Variants in LRRC4 observed in about 807,000 individuals in gnomAD.
The protein encoded by LRRC4 is leucine rich repeat containing 4.
In LRRC4, 11 loss-of-function variants were observed where a neutral mutation model predicts 37.9. That is an observed-to-expected ratio of 0.29 (90% CI 0.18 to 0.48). LRRC4 has a LOEUF of 0.48. LRRC4 is among the 20% of genes least tolerant of loss of function. LRRC4 has a pLI of 0.99. For missense variants in LRRC4, 717 were observed against 842.1 expected, an observed-to-expected ratio of 0.85 and a Z score of 1.84; for synonymous variants, 404 against 346.7, an observed-to-expected ratio of 1.17 and a Z score of -1.84.
rs1417799013 is a variant in LRRC4, at chr7:128,029,794, G to A, written c.847C>T (p.His283Tyr). 1 of 1,613,954 alleles carries A rather than the reference G, an allele frequency of 6.2e-7. No individual in the cohort carries two copies. The highest frequency in any genetic ancestry group is 1.3e-5 in the African/African-American group (1 of 75,048). ...LAHNNLSSLP[H>Y]DLFTPLRYLV... is the part of the protein sequence containing the mutation. ...TACCTCAGCGGGGTAAAGAGGTCAT[G>A]GGGCAAAGAAGAGAGGTTATTGTGG... is the stretch of plus-strand genomic sequence containing the variant. The change falls in exon 2 of 2, where the codon CAT becomes TAT. Residue 283 changes from histidine to tyrosine, a missense_variant. Around this residue, in one of 5 missense-constraint regions of LRRC4, gnomAD observed 138 missense variants for 261.0 expected, o/e 0.53. Coordinates refer to ENST00000249363, the MANE Select transcript of LRRC4 (RefSeq NM_022143.5). This position sits in a 1 kb window ranked among gnomAD's most constrained non-coding sequence, Gnocchi z 4.2.
chr7:128,031,859 C>T (rs1411788764), upstream of LRRC4, among the ~76,000 whole-genome samples: 1 of 150,370 alleles, frequency 6.7e-6, no homozygotes, highest in Admixed American at 6.6e-5. Flanking sequence ...GGCTTCGGCT[C>T]CCGGCGCCCT....
In LRRC4 at chr7:128,028,580, A is replaced by C. The variant is rs796839952; in HGVS notation, c.*99T>G. 1 of 1,118,816 alleles carries C rather than the reference A, an allele frequency of 8.9e-7. No homozygotes were observed. 69.3% of individuals were successfully genotyped at this position (1,118,816 alleles called of 1,614,324 possible). On this transcript the variant is annotated 3_prime_UTR_variant, in exon 2 of 2. Coordinates refer to ENST00000249363, the MANE Select transcript of LRRC4 (RefSeq NM_022143.5). ...TTTAACCAGCCCATAGACTTAATATATAAGCATATACAAGAAAAAGTCTCT... is the reference window on the plus strand; with the variant it reads ...TTTAACCAGCCCATAGACTTAATATCTAAGCATATACAAGAAAAAGTCTCT...
chr7:128,028,487 G>A lies in LRRC4; in HGVS notation c.*192C>T. On this transcript the variant is annotated 3_prime_UTR_variant, in exon 2 of 2. Coordinates refer to ENST00000249363, the MANE Select transcript of LRRC4 (RefSeq NM_022143.5). ...GATTCCCCCCCACCCCCTTTAAATA[G>A]AACTTACAAGTTAGAAAATATTTTT... 1 of 482,718 alleles carries A rather than the reference G, an allele frequency of 2.1e-6. No individual in the cohort carries two copies. The highest frequency in any genetic ancestry group is 3.5e-6 in the Non-Finnish European group (1 of 283,376). 29.9% of individuals were successfully genotyped at this position (482,718 alleles called of 1,614,324 possible).
In LRRC4 at chr7:128,028,735, C is replaced by G. The variant is rs1792477855; in HGVS notation, c.1906G>C (p.Glu636Gln). The change falls in exon 2 of 2, where the codon GAA becomes CAA. Residue 636 changes from glutamate to glutamine, a missense_variant. By Grantham distance (29) the Glu-to-Gln change is conservative. Transcript: ENST00000249363. ...GTATGGGTCTGAATTATATAAGGTT[C>G]AGAGATAGTGGTGACTGTGGGGTGC... ...SLHPTVTTIS[E>Q]PYIIQTHTKD... The G allele has an allele frequency of 6.2e-7, 1 of 1,613,950 alleles. No individual in the cohort carries two copies. Among genetic ancestry groups the G allele is most frequent in the African/African-American group, 1.3e-5 (1 of 74,896 alleles).
chr7:128,030,575 G>A lies in LRRC4; in HGVS notation c.66C>T (p.Val22=). The part of the protein sequence containing the change: ...HTWNAILLPF[V]YLTAQVWILC... ...GAATCCACACTTGCGCCGTGAGGTA[G>A]ACGAACGGGAGCAGGATGGCATTCC... The change falls in exon 2 of 2, where the codon GTC becomes GTT. Residue 22 remains valine (V), a synonymous_variant. Transcript: ENST00000249363. 2 of 1,607,874 alleles carry A rather than the reference G, an allele frequency of 1.2e-6. No homozygotes were observed. Among genetic ancestry groups the A allele is most frequent in the Non-Finnish European group, 1.7e-6 (2 of 1,175,752 alleles).
At position 128,029,619 on chromosome 7, in the gene LRRC4, A is replaced by G. The variant is rs1208033614; in HGVS notation, c.1022T>C (p.Val341Ala). ...CTGGAAGGAGGCCTGGTCCACCTCCACGAGGTAGCGGCCTCGCATGTGCAT... is the reference window on the plus strand; with the variant it reads ...CTGGAAGGAGGCCTGGTCCACCTCCGCGAGGTAGCGGCCTCGCATGTGCAT... ...APMHMRGRYLVEVDQASFQCS... is the reference protein window; with the variant it reads ...APMHMRGRYLAEVDQASFQCS... The change falls in exon 2 of 2, where the codon GTG becomes GCG. Residue 341 changes from valine (V) to alanine (A), a missense_variant. Physicochemically the swap from Val to Ala is moderately conservative, Grantham distance 64. This residue lies in a region of LRRC4 where 293 missense variants were observed against 268.3 expected (regional missense o/e 1.09). Transcript: ENST00000249363. The surrounding 1 kb of genome is among the most constrained non-coding windows in gnomAD (Gnocchi z 4.2). 1.9e-6 allele frequency: 3 copies of G among 1,613,932 alleles called. No individual in the cohort carries two copies. In the African/African-American group the frequency reaches 4.0e-5, roughly 22 times the overall value.
At position 128,031,240 on chromosome 7, in the gene LRRC4, C is replaced by T. The variant is rs765380664; in HGVS notation, c.-428G>A. ...AGCGCTTCCCGGCTTTGTCCTTGGA[C>T]CCTGGCACCGGCTCGCTCCAGCCGC... On this transcript the variant is annotated 5_prime_UTR_variant, in exon 1 of 2. Transcript: ENST00000249363. Among the ~76,000 whole-genome samples, 130 of 152,170 alleles carry T rather than the reference C, an allele frequency of 8.5e-4. No homozygotes were observed. The highest frequency in any genetic ancestry group is 1.7e-3 in the Non-Finnish European group (114 of 67,984).
In LRRC4 at chr7:128,029,206, T is replaced by C. The variant is rs757471408; in HGVS notation, c.1435A>G (p.Thr479Ala). The change falls in exon 2 of 2, where the codon ACG becomes GCG. Residue 479 changes from threonine to alanine, a missense_variant. Transcript: ENST00000249363. The surrounding 1 kb of genome is among the most constrained non-coding windows in gnomAD (Gnocchi z 4.2). ...TTRKYKPVPTTSTGYQPAYTT... is the reference protein window; with the variant it reads ...TTRKYKPVPTASTGYQPAYTT... ...TATGCCGGCTGGTAACCAGTGGACG[T>C]GGTAGGAACAGGCTTGTACTTTCGC... 5.6e-6 allele frequency: 9 copies of C among 1,614,040 alleles called. No individual in the cohort carries two copies. The Admixed American group carries it at 1.3e-4, about 24-fold the overall frequency.
chr7:128,028,537 TTAATA>T lies in LRRC4; in HGVS notation c.*137_*141del. On this transcript the variant is annotated 3_prime_UTR_variant, in exon 2 of 2. Transcript: ENST00000249363. ...TGTTTTGACTTTTTGTCTTTAAATT[TTAATA>T]TAATCTGTTTTTTTTAACCAGCCCA... 2.5e-6 allele frequency: 2 copies of T among 793,684 alleles called. No homozygotes were observed. Among genetic ancestry groups the T allele is most frequent in the Non-Finnish European group, 3.8e-6 (2 of 525,568 alleles). 49.2% of individuals were successfully genotyped at this position (793,684 alleles called of 1,614,324 possible).
intron 1 of LRRC4, 66 bp from the exon 2 acceptor site, chr7:128,030,806 C>T: frequency 1.2e-6 from 1 of 853,994 alleles, no homozygotes; most frequent in South Asian, 2.1e-5. Context: ...AAAATCCTGC[C>T]AAACTCGAGC....
chr7:128,028,374 T>G lies in LRRC4; in HGVS notation c.*305A>C, dbSNP rs1803539821. ...AGGATGTTTGTTGTTTTAGTTTATTTTATCTCAGCAATTTCAACCTTATAC... is the reference window on the plus strand; with the variant it reads ...AGGATGTTTGTTGTTTTAGTTTATTGTATCTCAGCAATTTCAACCTTATAC... On this transcript the variant is annotated 3_prime_UTR_variant, in exon 2 of 2. Transcript: ENST00000249363. 3.0e-5 allele frequency: 8 copies of G among 270,760 alleles called. No homozygotes were observed. The South Asian group carries it at 4.8e-4, about 16-fold the overall frequency. 16.8% of individuals were successfully genotyped at this position (270,760 alleles called of 1,614,324 possible).
rs912829147 is a variant in LRRC4 at position 128,031,185 on chromosome 7, C to T, written c.-373G>A. The T allele has an allele frequency of 6.6e-6, 1 of 152,292 alleles. No homozygotes were observed. Among genetic ancestry groups the T allele is most frequent in the Admixed American group, 6.5e-5 (1 of 15,284 alleles). 9.4% of individuals were successfully genotyped at this position (152,292 alleles called of 1,614,324 possible). Reference sequence around the variant, plus strand: ...CCCGGCGGGCTATGCAGGTGCATGCCCCCCCCTCCGCCCAAGGAGCGGCGC... The same window carrying T: ...CCCGGCGGGCTATGCAGGTGCATGCTCCCCCCTCCGCCCAAGGAGCGGCGC... On this transcript the variant is annotated 5_prime_UTR_variant, in exon 1 of 2. Transcript: ENST00000249363.
In LRRC4 at chr7:128,029,731, A is replaced by T; in HGVS notation, c.910T>A (p.Cys304Ser). The T allele has an allele frequency of 6.2e-7, 1 of 1,614,132 alleles. No individual in the cohort carries two copies. The highest frequency in any genetic ancestry group is 2.2e-5 in the East Asian group (1 of 44,878). Residue 304 changes from cysteine (C) to serine (S), a missense_variant, in exon 2 of 2, where the codon TGT (cysteine) becomes AGT (serine). Coordinates refer to ENST00000249363, the MANE Select transcript of LRRC4 (RefSeq NM_022143.5). The surrounding 1 kb of genome is among the most constrained non-coding windows in gnomAD (Gnocchi z 4.2). ...ELHLHHNPWN[C>S]DCDILWLAWW... ...GCTAGCCACAGAATGTCACAATCACAGTTCCAAGGGTTGTGGTGTAGATGC... is the reference window on the plus strand; with the variant it reads ...GCTAGCCACAGAATGTCACAATCACTGTTCCAAGGGTTGTGGTGTAGATGC...
chr7:128,030,369 T>G lies in LRRC4; in HGVS notation c.272A>C (p.Gln91Pro), dbSNP rs765186662. 3.5e-5 allele frequency: 56 copies of G among 1,613,850 alleles called. 1 individual carries two copies. In the Admixed American group the frequency reaches 9.3e-4, roughly 27 times the overall value. The change falls in exon 2 of 2, where the codon CAG becomes CCG. Residue 91 changes from glutamine (Q) to proline (P), a missense_variant. Transcript: ENST00000249363. ...NLMENNIQMI[Q>P]ADTFRHLHHL... ...GTGGAGGTGGCGGAAGGTGTCGGCC[T>G]GGATCATCTGGATGTTGTTCTCCAT...
chr7:128,031,044 A>G lies in LRRC4; in HGVS notation c.-232T>C, dbSNP rs1292580717. ...GGGAAGTGGTGGGGGCGGGGAGGGC[A>G]GAGGGGAGGGGAGGGGAGGGGAGGG... On this transcript the variant is annotated 5_prime_UTR_variant, in exon 1 of 2. Transcript: ENST00000249363. The G allele has an allele frequency of 9.3e-5, 6 of 64,706 alleles. No individual in the cohort carries two copies. Among genetic ancestry groups the G allele is most frequent in the African/African-American group, 1.7e-4 (3 of 18,172 alleles). The allele number at this position is 64,706 out of a possible 1,614,324, so 4.0% of individuals were successfully genotyped here.
In LRRC4 at chr7:128,031,216, G is replaced by GCGC. The variant is rs1792588533; in HGVS notation, c.-407_-405dup. On this transcript the variant is annotated 5_prime_UTR_variant, in exon 1 of 2. Coordinates refer to ENST00000249363, the MANE Select transcript of LRRC4 (RefSeq NM_022143.5). ...CTCCGCCCAAGGAGCGGCGCCACCAGCGCTTCCCGGCTTTGTCCTTGGACC... is the reference window on the plus strand; with the variant it reads ...CTCCGCCCAAGGAGCGGCGCCACCAGCGCCGCTTCCCGGCTTTGTCCTTGGACC... 1.3e-5 allele frequency: 2 copies of GCGC among 152,282 alleles called. No individual in the cohort carries two copies. The highest frequency in any genetic ancestry group is 1.3e-4 in the Admixed American group (2 of 15,284). 9.4% of individuals were successfully genotyped at this position (152,282 alleles called of 1,614,324 possible).
chr7:128,028,587 T>C lies in LRRC4; in HGVS notation c.*92A>G. The stretch of plus-strand genomic sequence containing the variant: ...AGCCCATAGACTTAATATATAAGCA[T>C]ATACAAGAAAAAGTCTCTCCCCACT... On this transcript the variant is annotated 3_prime_UTR_variant, in exon 2 of 2. Transcript: ENST00000249363. 8.4e-7 allele frequency: 1 copy of C among 1,186,488 alleles called. No homozygotes were observed. The highest frequency in any genetic ancestry group is 1.2e-6 in the Non-Finnish European group (1 of 835,698). 73.5% of individuals were successfully genotyped at this position (1,186,488 alleles called of 1,614,324 possible).
chr7:128,029,968 T>C lies in LRRC4; in HGVS notation c.673A>G (p.Met225Val). ...ATCTCAGGGAAGTGGTTCCCTGACATCTCCAGCTCCTCCAGCCCCACCAGG... is the reference window on the plus strand; with the variant it reads ...ATCTCAGGGAAGTGGTTCCCTGACACCTCCAGCTCCTCCAGCCCCACCAGG... ...TPLVGLEELE[M>V]SGNHFPEIRP... is the part of the protein sequence containing the mutation. Residue 225 changes from methionine (M) to valine (V), a missense_variant, in exon 2 of 2, where the codon ATG becomes GTG. Around this residue, in one of 5 missense-constraint regions of LRRC4, gnomAD observed 138 missense variants for 261.0 expected, o/e 0.53. Transcript: ENST00000249363. The surrounding 1 kb of genome is among the most constrained non-coding windows in gnomAD (Gnocchi z 4.2). 1 of 1,613,108 alleles carries C rather than the reference T, an allele frequency of 6.2e-7. No homozygotes were observed. Among genetic ancestry groups the C allele is most frequent in the Non-Finnish European group, 8.5e-7 (1 of 1,180,018 alleles).
At chr7:128,031,732 TCCGGCGGCGGCGGCGGCCGCAGCCC>T (rs1316090206), upstream of LRRC4, 3 of 141,064 alleles carry the variant, frequency 2.1e-5, no homozygotes, top group Admixed American at 1.4e-4. Flanking sequence ...CGGGCGCGGG[TCCGGCGGCGGCGGCGGCCGCAGCCC>T]CCGGCGGCGC....
Sources: allele counts gnomAD v4.1 joint callset (sites outside exome capture counted in the v4.1 genomes callset), GRCh38; gene constraint gnomAD v4.1.1; regional missense constraint gnomAD v4.1.1; non-coding constraint Gnocchi (gnomAD v3.1); transcripts MANE v1.5; gene names NCBI Gene and HGNC (gene_info 2026-07-23, HGNC 2026-07-21).